The following COL9A3 variants were observed in gnomAD, a reference collection of about 807,000 sequenced individuals.
COL9A3 encodes the protein collagen alpha-3(IX) chain.
In COL9A3, 82 loss-of-function variants were observed where a neutral mutation model predicts 110.2. The ratio of observed to expected loss-of-function variants is 0.74; its 90% confidence interval spans 0.62 to 0.89. The LOEUF is 0.89. COL9A3 is among the 40% of genes least tolerant of loss of function. COL9A3 has a pLI of 0.00. For synonymous variants in COL9A3, 494 were observed against 403.8 expected, an observed-to-expected ratio of 1.22 and a Z score of -2.68; for missense variants, 1,066 against 981.3, an observed-to-expected ratio of 1.09 and a Z score of -1.15.
intron 15 of COL9A3, 38 bp downstream of exon 15, chr20:62,826,858 G>A (rs773539757): frequency 1.2e-6 from 2 of 1,608,022 alleles, no homozygotes; most frequent in South Asian, 1.1e-5. Flanking sequence ...CATGCCTCGT[G>A]ACCTCTCTCC....
intron 24 of COL9A3, chr20:62,831,917 G>A (rs2063600255): frequency 1.7e-6 from 1 of 598,820 alleles, no homozygotes; most frequent in African/African-American, 1.9e-5. Flanking sequence ...TACAAACAGT[G>A]CAAACCTAAC....
intron 1 of COL9A3, 102 bp downstream of exon 1, chr20:62,817,244 G>C (rs1196125066): frequency 2.3e-6 from 2 of 870,082 alleles, no homozygotes; most frequent in African/African-American, 3.6e-5. Context: ...GACGCCCCCA[G>C]CCCGTGTCGC....
At chr20:62,840,481 T>G in intron 31 of COL9A3, 61 bp from the exon 32 acceptor site, 1 of 1,481,324 alleles carries the variant, frequency 6.8e-7, no homozygotes, top group Non-Finnish European at 9.4e-7. Context: ...CAGCTGGATG[T>G]CAAGTCCCCC....
In COL9A3 at chr20:62,832,203, A is replaced by G; in HGVS notation, c.1323+14A>G. The G allele has an allele frequency of 6.2e-7, 1 of 1,612,438 alleles. No individual in the cohort carries two copies. Among genetic ancestry groups the G allele is most frequent in the East Asian group, 2.2e-5 (1 of 44,894 alleles). ...AAGGGAGACCAGGTGAGCTGGGCAC[A>G]GGCTGGGGCAAAAGGAATGAAGGCA... is the stretch of plus-strand genomic sequence containing the variant. On this transcript the variant is annotated intron_variant, in intron 25 of 31. Coordinates refer to ENST00000649368, the MANE Select transcript of COL9A3 (RefSeq NM_001853.4).
rs1281523495 is a variant in COL9A3, at chr20:62,830,428, G to A, written c.1215+15G>A. On this transcript the variant is annotated intron_variant, in intron 23 of 31. Coordinates refer to ENST00000649368, the MANE Select transcript of COL9A3 (RefSeq NM_001853.4). ...GAGGCTTCCAGGTGGGTGAGGTTGGGGCAAGGGCCTGGCATGGGGGGCGGC... is the reference window on the plus strand; with the variant it reads ...GAGGCTTCCAGGTGGGTGAGGTTGGAGCAAGGGCCTGGCATGGGGGGCGGC... 1.5e-5 allele frequency: 23 copies of A among 1,565,780 alleles called. No individual in the cohort carries two copies. The highest frequency in any genetic ancestry group is 1.7e-5 in the Non-Finnish European group (20 of 1,156,592).
chr20:62,827,797 T>C, intron 16 of COL9A3, 126 bp from the exon 17 acceptor site: 2 of 935,662 alleles, frequency 2.1e-6, no homozygotes, highest in Non-Finnish European at 3.5e-6. Flanking sequence ...CCCAGGGTGG[T>C]GGTCGGGGGT....
intron 13 of COL9A3, 94 bp from the exon 14 acceptor site, chr20:62,826,110 G>A (rs2063549876): frequency 7.4e-7 from 1 of 1,358,820 alleles, no homozygotes; most frequent in Non-Finnish European, 1.0e-6. Flanking sequence ...GAAGACACCA[G>A]GGCTCCCAGG....
At position 62,840,830 on chromosome 20, in the gene COL9A3, G is replaced by A. The variant is rs374935424; in HGVS notation, c.*98G>A. On this transcript the variant is annotated 3_prime_UTR_variant, in exon 32 of 32. Coordinates refer to ENST00000649368, the MANE Select transcript of COL9A3 (RefSeq NM_001853.4). ...GCAGGCGGGTGACGTCCAGGAGAGGGAGCGCCCCTGGCTGCCCCTCGGCCG... is the reference window on the plus strand; with the variant it reads ...GCAGGCGGGTGACGTCCAGGAGAGGAAGCGCCCCTGGCTGCCCCTCGGCCG... 4.8e-5 allele frequency: 69 copies of A among 1,425,638 alleles called. No homozygotes were observed. In the East Asian group the frequency reaches 5.7e-4, roughly 12 times the overall value. 88.3% of individuals were successfully genotyped at this position (1,425,638 alleles called of 1,614,324 possible). A position where few individuals can be genotyped will look rare whatever the true frequency, so the allele number is the denominator to read the frequency against.
At chr20:62,833,702 CG>C (rs2063613905) in intron 26 of COL9A3, among the ~76,000 whole-genome samples, 1 of 150,392 alleles carries the variant, frequency 6.6e-6, no homozygotes, top group Admixed American at 6.6e-5. Flanking sequence ...CGCGCCCGGC[CG>C]GGGGTTTTTT....
At chr20:62,835,808 A>G (rs1023163200) in intron 26 of COL9A3, 113 bp from the exon 27 acceptor site, 15 of 1,037,026 alleles carry the variant, frequency 1.4e-5, no homozygotes, top group Non-Finnish European at 2.3e-5. Context: ...CAATATTTGG[A>G]TGTAGTCTAA....
Position 62,822,607 on chromosome 20 carries a change from T to C in COL9A3, c.494T>C (p.Leu165Pro), listed in dbSNP as rs776651110. 3.1e-6 allele frequency: 5 copies of C among 1,612,616 alleles called. No homozygotes were observed. Among genetic ancestry groups the C allele is most frequent in the Non-Finnish European group, 4.2e-6 (5 of 1,179,974 alleles). The change falls in exon 10 of 32, where the codon CTC becomes CCC. Residue 165 changes from leucine (L) to proline (P), a missense_variant. Leu to Pro is a moderately conservative substitution (Grantham distance 98). Transcript: ENST00000649368. ...PPGPPGHPGV[L>P]PEGATDLQCP... ...TTGTCTTAGGGACACCCAGGAGTCCTCCCTGAAGGCGCTACTGACCTTCAG... is the reference window on the plus strand; with the variant it reads ...TTGTCTTAGGGACACCCAGGAGTCCCCCCTGAAGGCGCTACTGACCTTCAG...
chr20:62,824,244 A>G lies in COL9A3; in HGVS notation c.520-201A>G, dbSNP rs184385737. Among the ~76,000 whole-genome samples, 1,001 of 105,396 alleles carry G rather than the reference A, an allele frequency of 9.5e-3. 10 individuals carry two copies. The highest frequency in any genetic ancestry group is 0.019 in the African/African-American group (602 of 30,928). 69.1% of individuals were successfully genotyped at this position (105,396 alleles called of 152,430 possible). A position where few individuals can be genotyped will look rare whatever the true frequency, so the allele number is the denominator to read the frequency against. On this transcript the variant is annotated intron_variant, in intron 10 of 31. Transcript: ENST00000649368. ...ACGTGGAGTGGCCTCCTGGGGTCCCATCATCTGTGCGGAGTGGCCTCCTGG... is the reference window on the plus strand; with the variant it reads ...ACGTGGAGTGGCCTCCTGGGGTCCCGTCATCTGTGCGGAGTGGCCTCCTGG...
intron 15 of COL9A3, 131 bp downstream of exon 15, chr20:62,826,951 G>A: frequency 9.8e-7 from 1 of 1,025,220 alleles, no homozygotes; most frequent in Middle Eastern, 2.2e-4. Flanking sequence ...GACACCCTGG[G>A]AGGGCTTGTG....
rs144016403 is a variant in COL9A3, at chr20:62,824,255, G to A, written c.520-190G>A. Among the ~76,000 whole-genome samples, 1,300 of 143,556 alleles carry A rather than the reference G, an allele frequency of 9.1e-3. 29 individuals carry two copies. The highest frequency in any genetic ancestry group is 0.03 in the African/African-American group (1,201 of 39,388). 94.2% of individuals were successfully genotyped at this position (143,556 alleles called of 152,430 possible). A position where few individuals can be genotyped will look rare whatever the true frequency, so the allele number is the denominator to read the frequency against. On this transcript the variant is annotated intron_variant, in intron 10 of 31. Coordinates refer to ENST00000649368, the MANE Select transcript of COL9A3 (RefSeq NM_001853.4). ...CCTCCTGGGGTCCCATCATCTGTGCGGAGTGGCCTCCTGGGGTCCCGTCAC... is the reference window on the plus strand; with the variant it reads ...CCTCCTGGGGTCCCATCATCTGTGCAGAGTGGCCTCCTGGGGTCCCGTCAC...
intron 22 of COL9A3, 32 bp downstream of exon 22, chr20:62,829,851 G>C: frequency 6.5e-7 from 1 of 1,544,416 alleles, no homozygotes; most frequent in Non-Finnish European, 8.7e-7. Context: ...GGGGTCGGGG[G>C]TTAGCACTGA....
chr20:62,824,714 A>G (rs1268050247), intron 11 of COL9A3, among the ~76,000 whole-genome samples: 1 of 152,208 alleles, frequency 6.6e-6, no homozygotes, highest in Non-Finnish European at 1.5e-5. Context: ...TAGGCGTCAG[A>G]GACTGCGGGG....
intron 30 of COL9A3, among the ~76,000 whole-genome samples, chr20:62,837,972 C>G (rs2063649657): frequency 6.6e-6 from 1 of 152,174 alleles, no homozygotes; most frequent in African/African-American, 2.4e-5. Context: ...CAAAATTAGC[C>G]AGGCAAAACA....
At chr20:62,826,480 A>C (rs1402615455) in intron 14 of COL9A3, among the ~76,000 whole-genome samples, 1 of 152,060 alleles carries the variant, frequency 6.6e-6, no homozygotes, top group Non-Finnish European at 1.5e-5. Flanking sequence ...ACGCGGTCCC[A>C]GGCTGCTGTG....
At chr20:62,828,220 G>T (rs1015512428) in intron 17 of COL9A3, among the ~76,000 whole-genome samples, 1 of 152,230 alleles carries the variant, frequency 6.6e-6, no homozygotes, top group Non-Finnish European at 1.5e-5. Context: ...AGTAAGGGTG[G>T]GTGGGTAGCA....
Sources: allele counts gnomAD v4.1 joint callset (sites outside exome capture counted in the v4.1 genomes callset), GRCh38; gene constraint gnomAD v4.1.1; transcripts MANE v1.5; gene names NCBI Gene and HGNC (gene_info 2026-07-23, HGNC 2026-07-21).